ZBTB38: variants seen among roughly 807,000 people sequenced by gnomAD.
The protein encoded by ZBTB38 is zinc finger and BTB domain containing 38.
Under a neutral mutation model 76.8 loss-of-function variants are expected in ZBTB38, and 20 were observed. The observed-to-expected ratio is 0.26, with a 90% CI of 0.18 to 0.38. ZBTB38 has a LOEUF of 0.38. Ranked by LOEUF, ZBTB38 falls within the 10% of genes least tolerant of loss-of-function variation. The pLI, the probability that ZBTB38 is intolerant of heterozygous loss-of-function variation, is 1.00. For missense variants in ZBTB38, 1,082 were observed against 1,482.3 expected (o/e 0.73, Z 4.43); for synonymous variants, 504 against 544.2 (o/e 0.93, Z 1.03).
chr3:141,341,129 C>G (rs930676596), intron 1 of ZBTB38, among the ~76,000 whole-genome samples: 1 of 152,010 alleles, frequency 6.6e-6, no homozygotes, highest in Non-Finnish European at 1.5e-5. Flanking sequence ...TCTATGATGG[C>G]TATAATAAAA....
chr3:141,395,404 T>C (rs890875735), intron 4 of ZBTB38, among the ~76,000 whole-genome samples: 1 of 152,170 alleles, frequency 6.6e-6, no homozygotes, highest in Non-Finnish European at 1.5e-5. Context: ...ATGTGGAACT[T>C]TAGCGTGAGT....
At chr3:141,415,375 G>C (rs987192366) in intron 5 of ZBTB38, among the ~76,000 whole-genome samples, 1 of 152,122 alleles carries the variant, frequency 6.6e-6, no homozygotes, top group East Asian at 1.9e-4. Context: ...CTTGTTCCAG[G>C]ATGACTTGAC....
At chr3:141,434,677 C>G (rs1267422872) in intron 5 of ZBTB38, among the ~76,000 whole-genome samples, 1 of 152,022 alleles carries the variant, frequency 6.6e-6, no homozygotes. Flanking sequence ...TCCAAATATG[C>G]TAATTTACTA....
chr3:141,327,936 C>G (rs568428738), intron 1 of ZBTB38, among the ~76,000 whole-genome samples: 2 of 152,256 alleles, frequency 1.3e-5, no homozygotes, highest in Non-Finnish European at 2.9e-5. Context: ...CCTGAAAACC[C>G]TTGAGAAATT....
intron 5 of ZBTB38, among the ~76,000 whole-genome samples, chr3:141,441,988 G>A (rs2080363703): frequency 6.6e-6 from 1 of 151,754 alleles, no homozygotes; most frequent in Admixed American, 6.6e-5. Flanking sequence ...AAATAGGCAG[G>A]AAGCTTCTGG....
chr3:141,428,527 G>A (rs565510856), intron 5 of ZBTB38, among the ~76,000 whole-genome samples: 2 of 152,108 alleles, frequency 1.3e-5, no homozygotes, highest in East Asian at 1.9e-4. Context: ...CTCTGTTGTC[G>A]CCCAGGCTGG....
intron 5 of ZBTB38, among the ~76,000 whole-genome samples, chr3:141,435,327 G>A (rs928867863): frequency 1.3e-5 from 2 of 152,026 alleles, no homozygotes; most frequent in African/African-American, 4.8e-5. Flanking sequence ...TTTGGATGCT[G>A]AATTATATGT....
At chr3:141,412,950 T>C (rs1957156955) in intron 5 of ZBTB38, among the ~76,000 whole-genome samples, 1 of 152,220 alleles carries the variant, frequency 6.6e-6, no homozygotes, top group African/African-American at 2.4e-5. Context: ...GCCAAGCGCC[T>C]GCGTCTCCTG....
chr3:141,370,344 T>G (rs934407702), intron 2 of ZBTB38, among the ~76,000 whole-genome samples: 2 of 152,226 alleles, frequency 1.3e-5, no homozygotes, highest in Admixed American at 1.3e-4. Flanking sequence ...GGGCTCTGCC[T>G]AGAAGTGGTG....
At chr3:141,432,938 T>C (rs1319925770) in intron 5 of ZBTB38, among the ~76,000 whole-genome samples, 3 of 152,196 alleles carry the variant, frequency 2.0e-5, no homozygotes, top group South Asian at 4.1e-4. Flanking sequence ...CAATGATAGA[T>C]TGATTGTATA....
At chr3:141,337,578 TG>T (rs1943051441) in intron 1 of ZBTB38, among the ~76,000 whole-genome samples, 1 of 152,276 alleles carries the variant, frequency 6.6e-6, no homozygotes, top group Admixed American at 6.5e-5. Context: ...CCTACTGCAC[TG>T]AAATGGATTC....
At chr3:141,334,340 ATTAAATCGCCT>A (rs1942944287) in intron 1 of ZBTB38, among the ~76,000 whole-genome samples, 1 of 151,782 alleles carries the variant, frequency 6.6e-6, no homozygotes, top group East Asian at 1.9e-4. Flanking sequence ...TGCTTTCAAC[ATTAAATCGCCT>A]CCCTGCCTTC....
upstream of ZBTB38, among the ~76,000 whole-genome samples, chr3:141,364,232 G>GCCTGACCAACATAGAGAAACTCCATC: frequency 6.6e-6 from 1 of 150,630 alleles, no homozygotes. Context: ...TTCAAGACCA[G>GCCTGACCAACATAGAGAAACTCCATC]TTGGACTTCA....
intron 1 of ZBTB38, among the ~76,000 whole-genome samples, chr3:141,355,918 GGA>G (rs1943646631): frequency 6.6e-6 from 1 of 152,176 alleles, no homozygotes; most frequent in Non-Finnish European, 1.5e-5. Context: ...CCCTGAGGAA[GGA>G]GAGCCAGCCC....
chr3:141,416,686 T>G (rs968113165), intron 5 of ZBTB38, among the ~76,000 whole-genome samples: 4 of 152,136 alleles, frequency 2.6e-5, no homozygotes, highest in African/African-American at 7.2e-5. Context: ...TAATTAAGGA[T>G]TCTGAGATGA....
chr3:141,352,430 T>A (rs1017424633), intron 1 of ZBTB38, among the ~76,000 whole-genome samples: 3 of 151,710 alleles, frequency 2.0e-5, no homozygotes, highest in Non-Finnish European at 4.4e-5. Context: ...AGATTCAGAG[T>A]ATGTTTAGAG....
rs570147936 is a variant in ZBTB38 at position 141,395,365 on chromosome 3, C to T, written c.-106+8428C>T. On this transcript the variant is annotated intron_variant, in intron 4 of 5. Coordinates refer to ENST00000321464, the MANE Select transcript of ZBTB38 (RefSeq NM_001376113.1). The stretch of plus-strand genomic sequence containing the variant: ...TTATCTCTCTCCTAATTTCTCAAGT[C>T]GGATAAACAACTTCATTTCAGTTTG... Among the ~76,000 whole-genome samples, 12 of 152,022 alleles carry T rather than the reference C, an allele frequency of 7.9e-5. No individual in the cohort carries two copies. The South Asian group carries it at 8.3e-4, about 11-fold the overall frequency.
chr3:141,325,435 A>G (rs1474150028), intron 1 of ZBTB38, among the ~76,000 whole-genome samples: 2 of 152,202 alleles, frequency 1.3e-5, no homozygotes, highest in Admixed American at 6.5e-5. Context: ...GAACCCACCT[A>G]AAGTGGAGAT....
chr3:141,367,400 C>T (rs898923930), upstream of ZBTB38: 1 of 152,434 alleles, frequency 6.6e-6, no homozygotes, highest in African/African-American at 2.4e-5. Flanking sequence ...GAGTAAGCCA[C>T]CCACTTGCCA....
Sources: gnomAD v4.1 joint callset for allele counts (sites outside exome capture counted in the v4.1 genomes callset) on GRCh38, gnomAD v4.1.1 for gene constraint, MANE v1.5 for transcripts, NCBI Gene and HGNC (gene_info 2026-07-23, HGNC 2026-07-21) for gene names.